Variants in PPP4R3A observed in about 807,000 individuals in gnomAD.
PPP4R3A encodes the protein protein phosphatase 4 regulatory subunit 3A.
A neutral mutation model predicts 91.7 loss-of-function variants in PPP4R3A; 15 were observed. The observed-to-expected ratio is 0.16, with a 90% CI of 0.11 to 0.25. The LOEUF (loss-of-function observed/expected upper bound fraction) is 0.25. PPP4R3A is among the 10% of genes least tolerant of loss of function. PPP4R3A has a pLI of 1.00. For missense variants in PPP4R3A, 623 were observed against 998.4 expected, an observed-to-expected ratio of 0.62 and a Z score of 5.07; for synonymous variants, 377 against 348.7, an observed-to-expected ratio of 1.08 and a Z score of -0.91.
chr14:91,471,055 G>T (rs761860039), intron 9 of PPP4R3A, 60 bp from the exon 10 acceptor site: 278 of 1,469,614 alleles, frequency 1.9e-4, no homozygotes, highest in Non-Finnish European at 2.4e-4. Context: ...CTTCTAAAAT[G>T]TAAGAACTCA....
At chr14:91,487,493 G>A (rs909906185) in intron 2 of PPP4R3A, among the ~76,000 whole-genome samples, 1 of 152,050 alleles carries the variant, frequency 6.6e-6, no homozygotes, top group African/African-American at 2.4e-5. Context: ...GAATTTAGAA[G>A]AGTAAAGTTA....
intron 3 of PPP4R3A, among the ~76,000 whole-genome samples, chr14:91,483,732 A>G (rs1229654827): frequency 6.6e-6 from 1 of 152,246 alleles, no homozygotes; most frequent in African/African-American, 2.4e-5. Context: ...ACCCATAAAA[A>G]GAGTGACTGA....
chr14:91,499,463 G>A (rs1890799614), intron 1 of PPP4R3A, among the ~76,000 whole-genome samples: 1 of 151,976 alleles, frequency 6.6e-6, no homozygotes, highest in South Asian at 2.1e-4. Flanking sequence ...ACTGATAATA[G>A]AGGTGTTTAC....
chr14:91,483,358 T>C (rs1889687884), intron 3 of PPP4R3A, among the ~76,000 whole-genome samples: 1 of 152,228 alleles, frequency 6.6e-6, no homozygotes, highest in African/African-American at 2.4e-5. Context: ...TGAAATGTGC[T>C]GCAAGGTGAT....
intron 1 of PPP4R3A, among the ~76,000 whole-genome samples, chr14:91,499,734 T>A (rs1890817080): frequency 6.7e-6 from 1 of 148,544 alleles, no homozygotes; most frequent in African/African-American, 2.5e-5. Flanking sequence ...GGCAGGAGAA[T>A]CGCTTGAACC....
In PPP4R3A at chr14:91,476,893, G is replaced by A; in HGVS notation, c.993+16C>T. 1 of 1,571,016 alleles carries A rather than the reference G, an allele frequency of 6.4e-7. No individual in the cohort carries two copies. Among genetic ancestry groups the A allele is most frequent in the Non-Finnish European group, 8.7e-7 (1 of 1,154,962 alleles). On this transcript the variant is annotated intron_variant, in intron 5 of 14. Coordinates refer to ENST00000554943, the MANE Select transcript of PPP4R3A (RefSeq NM_001366432.2). The stretch of plus-strand genomic sequence containing the variant: ...TTGTTTTATTTTTATGCCTTTCATA[G>A]TATCTAATTTCTTACCAATTCCTGT...
At chr14:91,493,559 C>T (rs1014241076) in intron 1 of PPP4R3A, among the ~76,000 whole-genome samples, 1 of 149,674 alleles carries the variant, frequency 6.7e-6, no homozygotes, top group Admixed American at 6.6e-5. Flanking sequence ...TTTGGGAGGT[C>T]GAGATGGGAG....
intron 7 of PPP4R3A, among the ~76,000 whole-genome samples, chr14:91,473,920 C>T (rs936997116): frequency 6.6e-6 from 1 of 152,192 alleles, no homozygotes; most frequent in Non-Finnish European, 1.5e-5. Flanking sequence ...CAGGCATGCA[C>T]CACCATGCCC....
rs952817271 is a variant in PPP4R3A, at chr14:91,462,254, G to T, written c.1974-15C>A. 6.4e-7 allele frequency: 1 copy of T among 1,557,958 alleles called. No homozygotes were observed. The highest frequency in any genetic ancestry group is 8.6e-7 in the Non-Finnish European group (1 of 1,158,234). The stretch of plus-strand genomic sequence containing the variant: ...TGGAACGCATACTATGAGTAGGGAA[G>T]AAAGAGTAAATACAATCATATATGG... On this transcript the variant is annotated splice_polypyrimidine_tract_variant and intron_variant, in intron 12 of 14. Transcript: ENST00000554943.
rs777196902 is a variant in PPP4R3A at position 91,461,408 on chromosome 14, T to A, written c.2364A>T (p.Thr788=). Residue 788 remains threonine, a synonymous_variant, in exon 14 of 15, where the codon ACA becomes ACT. Transcript: ENST00000554943. ...PGSPGSVPKN[T]SQTAAITTKG... is the part of the protein sequence containing the mutation. ...TTGTAGTAATAGCTGCCGTCTGAGA[T>A]GTATTTTTAGGTACGGATCCAGGAG... The A allele has an allele frequency of 1.2e-6, 2 of 1,611,442 alleles. No homozygotes were observed. The highest frequency in any genetic ancestry group is 1.7e-6 in the Non-Finnish European group (2 of 1,177,664).
chr14:91,487,249 CAAAAAAAAAA>C (rs35970764), intron 2 of PPP4R3A, among the ~76,000 whole-genome samples: 6 of 80,242 alleles, frequency 7.5e-5, no homozygotes, highest in Middle Eastern at 0.015. Context: ...GAGTCCGTCT[CAAAAAAAAAA>C]AAAAAAAAAA....
chr14:91,472,450 G>A (rs1465390863), intron 9 of PPP4R3A, among the ~76,000 whole-genome samples: 1 of 133,474 alleles, frequency 7.5e-6, no homozygotes, highest in Non-Finnish European at 1.6e-5. Flanking sequence ...AGTACTTTCA[G>A]GAAAATTGTT....
At chr14:91,489,384 C>T (rs1353972909) in intron 2 of PPP4R3A, among the ~76,000 whole-genome samples, 6 of 152,176 alleles carry the variant, frequency 3.9e-5, no homozygotes, top group Non-Finnish European at 8.8e-5. Context: ...TCTGCTATAA[C>T]GTATATTCAG....
At chr14:91,489,537 T>C (rs778629853) in intron 2 of PPP4R3A, among the ~76,000 whole-genome samples, 76 of 152,188 alleles carry the variant, frequency 5.0e-4, no homozygotes, top group Non-Finnish European at 1.8e-4. Context: ...ACAGCAACTT[T>C]TCCCCAAATT....
At chr14:91,489,413 G>A (rs1014590472) in intron 2 of PPP4R3A, among the ~76,000 whole-genome samples, 2 of 152,186 alleles carry the variant, frequency 1.3e-5, no homozygotes, top group Non-Finnish European at 2.9e-5. Context: ...TGTGGCTGAT[G>A]CTTAAGTCAG....
At chr14:91,466,553 TTCTTAAGAAACAC>T (rs1245921361) in intron 10 of PPP4R3A, 1 of 487,654 alleles carries the variant, frequency 2.1e-6, no homozygotes, top group Non-Finnish European at 2.7e-6. Context: ...GAGTGTATCT[TTCTTAAGAAACAC>T]TCTGGGCAGG....
chr14:91,503,420 G>A (rs1273928013), intron 1 of PPP4R3A, among the ~76,000 whole-genome samples: 1 of 152,162 alleles, frequency 6.6e-6, no homozygotes, highest in African/African-American at 2.4e-5. Flanking sequence ...AAGCAGCCGG[G>A]ACTACAGGTG....
At chr14:91,509,041 CA>C (rs1424710237) in intron 1 of PPP4R3A, among the ~76,000 whole-genome samples, 1 of 152,008 alleles carries the variant, frequency 6.6e-6, no homozygotes, top group East Asian at 1.9e-4. Flanking sequence ...AAAAGAAAAA[CA>C]AAAAAAGCAC....
intron 14 of PPP4R3A, among the ~76,000 whole-genome samples, chr14:91,460,347 T>C (rs1473638383): frequency 6.6e-6 from 1 of 151,708 alleles, no homozygotes; most frequent in African/African-American, 2.4e-5. Context: ...AGGGAAAAAT[T>C]CACACTGCTC....
Sources: allele counts gnomAD v4.1 joint callset (sites outside exome capture counted in the v4.1 genomes callset), GRCh38; gene constraint gnomAD v4.1.1; transcripts MANE v1.5; gene names NCBI Gene and HGNC (gene_info 2026-07-23, HGNC 2026-07-21).